The following PCDH9 variants were observed in gnomAD, a reference collection of about 807,000 sequenced individuals.
The protein encoded by PCDH9 is protocadherin 9.
A neutral mutation model predicts 70.6 loss-of-function variants in PCDH9; 24 were observed. The ratio of observed to expected loss-of-function variants is 0.34; its 90% CI spans 0.25 to 0.48. The LOEUF is 0.48. Among genes scored for constraint, PCDH9 ranks in the 20% least tolerant of loss-of-function variants. PCDH9 has a pLI of 0.99. For synonymous variants in PCDH9, 562 were observed against 558.5 expected (o/e 1.01, Z -0.09); for missense variants, 1,281 against 1,503.6 (o/e 0.85, Z 2.45).
intron 4 of PCDH9, chr13:66,323,649 T>C (rs528955515): frequency 6.6e-6 from 1 of 151,996 alleles, no homozygotes; most frequent in South Asian, 2.1e-4. Flanking sequence ...AGATTTTTAT[T>C]TTGTTTCCTT....
At chr13:66,688,011 T>G (rs866167693) in intron 3 of PCDH9, among the ~76,000 whole-genome samples, 11 of 152,224 alleles carry the variant, frequency 7.2e-5, no homozygotes, top group Middle Eastern at 3.4e-3. Flanking sequence ...CTTAATGGTT[T>G]TTTGTCTGTA....
At chr13:67,016,833 C>G (rs2084571460) in intron 2 of PCDH9, among the ~76,000 whole-genome samples, 2 of 152,164 alleles carry the variant, frequency 1.3e-5, no homozygotes, top group South Asian at 4.1e-4. Flanking sequence ...GTAGGTTCTA[C>G]TTAAGAATTC....
intron 4 of PCDH9, among the ~76,000 whole-genome samples, chr13:66,323,864 T>C (rs2138095935): frequency 6.6e-6 from 1 of 152,090 alleles, no homozygotes; most frequent in African/African-American, 2.4e-5. Flanking sequence ...CCCACAGCAG[T>C]TTACTCCGGG....
rs763360211 is a variant in PCDH9 at position 66,497,814 on chromosome 13, C to CTTTT, written c.3340+133392_3340+133395dup. On this transcript the variant is annotated intron_variant, in intron 4 of 4. Transcript: ENST00000377865. ...AGAAAAAGTGCTATACACACTCTTACTTTTTTTTTTTTTTTTTTTTTTGAG... is the reference window on the plus strand; with the variant it reads ...AGAAAAAGTGCTATACACACTCTTACTTTTTTTTTTTTTTTTTTTTTTTTTTGAG... Among the ~76,000 whole-genome samples the CTTTT allele has an allele frequency of 8.2e-4, 91 of 111,316 alleles. 1 individual carries two copies. The highest frequency in any genetic ancestry group is 2.6e-3 in the African/African-American group (82 of 31,746). The allele number at this position is 111,316 out of a possible 152,430, so 73.0% of individuals were successfully genotyped here.
chr13:66,800,521 C>T (rs561398704), intron 3 of PCDH9, among the ~76,000 whole-genome samples: 47 of 152,012 alleles, frequency 3.1e-4, no homozygotes, highest in Admixed American at 1.3e-3. Flanking sequence ...AGGCTTTGTC[C>T]GTCTTACTGA....
chr13:67,069,059 T>G (rs1310903038), intron 2 of PCDH9, among the ~76,000 whole-genome samples: 1 of 152,188 alleles, frequency 6.6e-6, no homozygotes, highest in Middle Eastern at 3.2e-3. Flanking sequence ...TGGGAATGCT[T>G]TTATAGTAAC....
chr13:67,050,217 C>A (rs1458256056), intron 2 of PCDH9, among the ~76,000 whole-genome samples: 1 of 152,168 alleles, frequency 6.6e-6, no homozygotes, highest in African/African-American at 2.4e-5. Context: ...GATCTGATAG[C>A]ATTTATTATG....
At chr13:66,331,354 T>C (rs1366116518) in intron 4 of PCDH9, among the ~76,000 whole-genome samples, 5 of 152,142 alleles carry the variant, frequency 3.3e-5, no homozygotes, top group Non-Finnish European at 7.3e-5. Context: ...GGCCAACACA[T>C]ACTGAAATAT....
chr13:66,326,692 A>C (rs556676561), intron 4 of PCDH9, among the ~76,000 whole-genome samples: 1 of 152,260 alleles, frequency 6.6e-6, no homozygotes, highest in African/African-American at 2.4e-5. Flanking sequence ...CTGGGATTAC[A>C]GGTGTGAGCC....
chr13:66,997,005 GATT>G (rs1459610280), intron 2 of PCDH9, among the ~76,000 whole-genome samples: 1 of 152,138 alleles, frequency 6.6e-6, no homozygotes, highest in Non-Finnish European at 1.5e-5. Context: ...TGTGGGAGGT[GATT>G]ATTAGACTCC....
chr13:67,151,169 G>C (rs1291374061), intron 2 of PCDH9, among the ~76,000 whole-genome samples: 4 of 151,824 alleles, frequency 2.6e-5, no homozygotes, highest in African/African-American at 9.7e-5. Flanking sequence ...CTCATCATTT[G>C]ATGAGTACCA....
chr13:66,713,625 G>GTATATATATATATATATATATATATA (rs67681559), intron 3 of PCDH9, among the ~76,000 whole-genome samples: 13 of 109,996 alleles, frequency 1.2e-4, no homozygotes, highest in South Asian at 3.1e-4. Context: ...GTGTGTGTGT[G>GTATATATATATATATATATATATATA]TATATATATA....
chr13:66,497,814 C>CTTTTT (rs763360211), intron 4 of PCDH9, among the ~76,000 whole-genome samples: 103 of 111,320 alleles, frequency 9.3e-4, no homozygotes, highest in African/African-American at 3.0e-3. Flanking sequence ...CACACTCTTA[C>CTTTTT]TTTTTTTTTT....
chr13:66,395,147 A>G (rs971602825), intron 4 of PCDH9, among the ~76,000 whole-genome samples: 1 of 152,236 alleles, frequency 6.6e-6, no homozygotes. Context: ...AATGCTCAAT[A>G]AAACAAATTT....
At chr13:66,948,906 A>C (rs888952307) in intron 2 of PCDH9, among the ~76,000 whole-genome samples, 19 of 152,104 alleles carry the variant, frequency 1.2e-4, no homozygotes, top group Admixed American at 1.0e-3. Context: ...TCAGCATTTT[A>C]GGTTTGAAAC....
chr13:66,995,328 T>C (rs1422239644), intron 2 of PCDH9, among the ~76,000 whole-genome samples: 1 of 152,126 alleles, frequency 6.6e-6, no homozygotes, highest in Non-Finnish European at 1.5e-5. Flanking sequence ...AGTGATATAT[T>C]CACAAGCACC....
At chr13:66,605,754 C>A (rs143834942) in intron 4 of PCDH9, among the ~76,000 whole-genome samples, 9 of 152,196 alleles carry the variant, frequency 5.9e-5, no homozygotes, top group Non-Finnish European at 1.0e-4. Context: ...GATGCAAAGA[C>A]AATATTATAC....
At chr13:67,028,044 T>C (rs2084824010) in intron 2 of PCDH9, among the ~76,000 whole-genome samples, 1 of 151,092 alleles carries the variant, frequency 6.6e-6, no homozygotes, top group South Asian at 2.1e-4. Context: ...AGAAATACCA[T>C]TTGACCCAGC....
chr13:66,356,645 A>G (rs568907931), intron 4 of PCDH9, among the ~76,000 whole-genome samples: 2 of 152,284 alleles, frequency 1.3e-5, no homozygotes, highest in African/African-American at 2.4e-5. Context: ...TGCAAAAACA[A>G]AGATGATACA....
Sources: gnomAD v4.1 joint callset for allele counts (sites outside exome capture counted in the v4.1 genomes callset) on GRCh38, gnomAD v4.1.1 for gene constraint, MANE v1.5 for transcripts, NCBI Gene and HGNC (gene_info 2026-07-23, HGNC 2026-07-21) for gene names.